ASIC2: variants seen among roughly 807,000 people sequenced by gnomAD.
ASIC2 encodes the protein acid sensing ion channel subunit 2, also known as acid-sensing ion channel 2.
In ASIC2, 25 loss-of-function variants were observed where a neutral mutation model predicts 57.3. The observed-to-expected ratio is 0.44, with a 90% CI of 0.32 to 0.61. The LOEUF is 0.61. Ranked by LOEUF, ASIC2 falls within the 20% of genes least tolerant of loss-of-function variation. The pLI, the probability that ASIC2 is intolerant of heterozygous loss-of-function variation, is 0.06. For missense variants in ASIC2, 641 were observed against 738.1 expected (o/e 0.87, Z 1.52); for synonymous variants, 319 against 307.5 (o/e 1.04, Z -0.39).
chr17:33,184,686 T>A (rs1200759217), intron 1 of ASIC2, among the ~76,000 whole-genome samples: 1 of 152,036 alleles, frequency 6.6e-6, no homozygotes, highest in Non-Finnish European at 1.5e-5. Flanking sequence ...TATTTACACA[T>A]CTCCCTGCAT....
In ASIC2 at chr17:34,021,832, GTTTT is replaced by G. The variant is rs775325618; in HGVS notation, c.555+134142_555+134145del. ...TTTTTTGTTGTTGGTTTTGTGTTTTGTTTTGTTTTTTTTTTTTTTTTTTGAGACA... is the reference window on the plus strand; with the variant it reads ...TTTTTTGTTGTTGGTTTTGTGTTTTGGTTTTTTTTTTTTTTTTTTGAGACA... On this transcript the variant is annotated intron_variant, in intron 1 of 9. Transcript: ENST00000359872. Among the ~76,000 whole-genome samples, 932 of 121,404 alleles carry G rather than the reference GTTTT, an allele frequency of 7.7e-3. 6 individuals carry two copies. The highest frequency in any genetic ancestry group is 0.013 in the Middle Eastern group (3 of 232). 79.6% of individuals were successfully genotyped at this position (121,404 alleles called of 152,430 possible).
At chr17:33,886,088 C>A (rs557167824) in intron 1 of ASIC2, among the ~76,000 whole-genome samples, 1 of 152,236 alleles carries the variant, frequency 6.6e-6, no homozygotes, top group South Asian at 2.1e-4. Context: ...AACAAACAAT[C>A]CCAAAATTTT....
intron 1 of ASIC2, among the ~76,000 whole-genome samples, chr17:33,398,489 C>T (rs376358524): frequency 1.8e-4 from 28 of 151,808 alleles, no homozygotes; most frequent in African/African-American, 4.8e-4. Context: ...ATGATGCTGA[C>T]GATAATAGTA....
intron 1 of ASIC2, among the ~76,000 whole-genome samples, chr17:33,193,902 C>T (rs1906526406): frequency 6.6e-6 from 1 of 152,156 alleles, no homozygotes; most frequent in African/African-American, 2.4e-5. Context: ...GGCCATCTTG[C>T]AGGTCTCAAT....
At chr17:33,996,642 C>T (rs527614476) in intron 1 of ASIC2, among the ~76,000 whole-genome samples, 97 of 152,194 alleles carry the variant, frequency 6.4e-4, no homozygotes, top group African/African-American at 2.3e-3. Context: ...GTTCTTGGTG[C>T]CTCTGACAAA....
chr17:34,060,983 A>G (rs562334066), intron 1 of ASIC2, among the ~76,000 whole-genome samples: 3 of 152,318 alleles, frequency 2.0e-5, no homozygotes, highest in African/African-American at 7.2e-5. Flanking sequence ...ACCCAAATAC[A>G]AGAATAACAA....
intron 1 of ASIC2, among the ~76,000 whole-genome samples, chr17:33,675,373 A>G (rs1907786145): frequency 6.6e-6 from 1 of 152,112 alleles, no homozygotes; most frequent in South Asian, 2.1e-4. Flanking sequence ...CCCAAGGGGT[A>G]TCTCTGGCCT....
chr17:33,838,415 C>G (rs1220414488), intron 1 of ASIC2, among the ~76,000 whole-genome samples: 3 of 152,124 alleles, frequency 2.0e-5, no homozygotes, highest in African/African-American at 7.2e-5. Flanking sequence ...TTCTTTACCC[C>G]TGAATAGTTT....
intron 1 of ASIC2, among the ~76,000 whole-genome samples, chr17:33,453,990 T>C (rs1268656890): frequency 1.3e-5 from 2 of 152,252 alleles, no homozygotes; most frequent in Non-Finnish European, 2.9e-5. Context: ...CCTATATGGT[T>C]GTAACATAGT....
At chr17:33,808,626 C>A (rs1483202256) in intron 1 of ASIC2, among the ~76,000 whole-genome samples, 1 of 152,216 alleles carries the variant, frequency 6.6e-6, no homozygotes, top group East Asian at 1.9e-4. Flanking sequence ...AGATGCCCAT[C>A]TCTTCATCAA....
intron 1 of ASIC2, among the ~76,000 whole-genome samples, chr17:33,122,438 C>T (rs146474200): frequency 6.6e-6 from 1 of 152,166 alleles, no homozygotes; most frequent in Admixed American, 6.5e-5. Flanking sequence ...GATTCTGCAC[C>T]TGAACTCTGA....
intron 1 of ASIC2, among the ~76,000 whole-genome samples, chr17:33,996,316 T>C (rs934927506): frequency 1.3e-5 from 2 of 152,198 alleles, no homozygotes; most frequent in African/African-American, 4.8e-5. Flanking sequence ...CTTCATTCTT[T>C]CAATTATTTC....
At chr17:33,866,890 C>T (rs1416057917) in intron 1 of ASIC2, among the ~76,000 whole-genome samples, 1 of 152,164 alleles carries the variant, frequency 6.6e-6, no homozygotes, top group Non-Finnish European at 1.5e-5. Flanking sequence ...AAGCAGAAGA[C>T]CCTAGACTTA....
At chr17:33,103,005 G>C (rs758402486) in intron 2 of ASIC2, among the ~76,000 whole-genome samples, 5 of 152,134 alleles carry the variant, frequency 3.3e-5, no homozygotes, top group East Asian at 1.9e-4. Flanking sequence ...GGATGGTCTT[G>C]ATCTCCTGAC....
intron 1 of ASIC2, among the ~76,000 whole-genome samples, chr17:33,699,990 GAAAA>G (rs1555552942): frequency 6.9e-6 from 1 of 145,552 alleles, no homozygotes; most frequent in Non-Finnish European, 1.5e-5. Context: ...ATGCTTAATG[GAAAA>G]AAAAACCCTG....
intron 1 of ASIC2, among the ~76,000 whole-genome samples, chr17:33,665,351 C>T (rs1907436691): frequency 6.6e-6 from 1 of 152,014 alleles, no homozygotes; most frequent in African/African-American, 2.4e-5. Context: ...TAGACAATGG[C>T]ACCGTGATGT....
At chr17:33,275,734 T>C (rs1904677460) in intron 1 of ASIC2, among the ~76,000 whole-genome samples, 1 of 152,206 alleles carries the variant, frequency 6.6e-6, no homozygotes. Context: ...TCAGGTGCCC[T>C]TACCCTTACC....
chr17:34,145,715 C>T (rs999885778), intron 1 of ASIC2, among the ~76,000 whole-genome samples: 1 of 152,188 alleles, frequency 6.6e-6, no homozygotes, highest in African/African-American at 2.4e-5. Flanking sequence ...CGTGAGCCAC[C>T]CACTTCGCTT....
intron 1 of ASIC2, chr17:33,572,255 C>T (rs1169307552): frequency 6.6e-6 from 1 of 152,086 alleles, no homozygotes; most frequent in Non-Finnish European, 1.5e-5. Context: ...CAGAGAGAGC[C>T]CACAAGATCA....
Sources: gnomAD v4.1 joint callset for allele counts (sites outside exome capture counted in the v4.1 genomes callset) on GRCh38, gnomAD v4.1.1 for gene constraint, MANE v1.5 for transcripts, NCBI Gene and HGNC (gene_info 2026-07-23, HGNC 2026-07-21) for gene names.